HTR7: variants seen among roughly 807,000 people sequenced by gnomAD.
The protein encoded by HTR7 is 5-hydroxytryptamine receptor 7, also known as 5-HT-7.
In HTR7, 16 loss-of-function variants were observed where a neutral mutation model predicts 34.0. That is an observed-to-expected ratio of 0.47 (90% CI 0.32 to 0.71). HTR7 has a LOEUF of 0.71. Ranked by LOEUF, HTR7 falls within the 30% of genes least tolerant of loss-of-function variation. The pLI is 0.04. For missense variants in HTR7, 504 were observed against 625.5 expected, an observed-to-expected ratio of 0.81 and a Z score of 2.07; for synonymous variants, 265 against 260.2, an observed-to-expected ratio of 1.02 and a Z score of -0.18.
chr10:90,789,184 A>G (rs1030600125), intron 1 of HTR7, among the ~76,000 whole-genome samples: 4 of 152,166 alleles, frequency 2.6e-5, no homozygotes, highest in Admixed American at 2.6e-4. Context: ...TGAAACAAAT[A>G]CCATTTCCTT....
chr10:90,808,884 C>T (rs1845750251), intron 1 of HTR7, among the ~76,000 whole-genome samples: 1 of 152,208 alleles, frequency 6.6e-6, no homozygotes, highest in South Asian at 2.1e-4. Flanking sequence ...TCAATTTTTC[C>T]ATCCTACAAG....
At chr10:90,823,324 A>G (rs1308928977) in intron 1 of HTR7, among the ~76,000 whole-genome samples, 1 of 152,250 alleles carries the variant, frequency 6.6e-6, no homozygotes, top group Non-Finnish European at 1.5e-5. Context: ...AGTATGGCCT[A>G]CAAATGAGAC....
rs1845633684 is a variant in HTR7, at chr10:90,801,922, G to A, written c.540-52328C>T. ...TGGTGTATTTTTGGTACTTTATGGT[G>A]TGAATGTTCATATTGTTTGACCCCT... On this transcript the variant is annotated intron_variant, in intron 1 of 3. Transcript: ENST00000336152. Among the ~76,000 whole-genome samples the A allele has an allele frequency of 3.3e-5, 5 of 152,186 alleles. No homozygotes were observed. In the South Asian group the frequency reaches 1.0e-3, roughly 32 times the overall value.
intron 1 of HTR7, among the ~76,000 whole-genome samples, chr10:90,751,659 G>A (rs1844740109): frequency 1.3e-5 from 2 of 152,090 alleles, no homozygotes; most frequent in Non-Finnish European, 2.9e-5. Context: ...TAGGGTAGGT[G>A]GTTGAAGTAA....
chr10:90,807,545 G>A (rs116439687), intron 1 of HTR7, among the ~76,000 whole-genome samples: 2,448 of 152,098 alleles, frequency 0.016, 77 homozygotes, highest in African/African-American at 0.054. Context: ...CAACCCCTAC[G>A]CCTGCTCGCC....
intron 1 of HTR7, among the ~76,000 whole-genome samples, chr10:90,754,185 C>A (rs1261798895): frequency 1.3e-5 from 2 of 151,942 alleles, no homozygotes; most frequent in Non-Finnish European, 2.9e-5. Context: ...ATAATTAAAT[C>A]TTACATTGTT....
intron 1 of HTR7, among the ~76,000 whole-genome samples, chr10:90,815,359 T>C (rs112674986): frequency 3.3e-5 from 5 of 152,180 alleles, no homozygotes; most frequent in African/African-American, 1.2e-4. Context: ...CCCAAAGTGC[T>C]TGGATTACAG....
At chr10:90,743,947 T>C (rs994474415) in intron 2 of HTR7, 3 of 635,394 alleles carry the variant, frequency 4.7e-6, no homozygotes, top group African/African-American at 1.8e-5. Flanking sequence ...GTTCTGGTTA[T>C]GCTGATCAAG....
chr10:90,838,505 T>C (rs1404562589), intron 1 of HTR7, among the ~76,000 whole-genome samples: 1 of 152,168 alleles, frequency 6.6e-6, no homozygotes, highest in Non-Finnish European at 1.5e-5. Flanking sequence ...TCCATTTCAT[T>C]CTCCACAAAG....
At chr10:90,825,005 A>G (rs1181791380) in intron 1 of HTR7, among the ~76,000 whole-genome samples, 4 of 152,206 alleles carry the variant, frequency 2.6e-5, no homozygotes, top group Admixed American at 6.5e-5. Context: ...GTAGCCAGGT[A>G]GTGGTTACAG....
intron 1 of HTR7, among the ~76,000 whole-genome samples, chr10:90,801,771 A>T (rs914670243): frequency 2.0e-5 from 3 of 152,220 alleles, no homozygotes; most frequent in African/African-American, 7.2e-5. Flanking sequence ...AATTCTTATC[A>T]GTGAGCCTCC....
At chr10:90,807,084 T>A (rs1168342378) in intron 1 of HTR7, among the ~76,000 whole-genome samples, 3 of 152,214 alleles carry the variant, frequency 2.0e-5, no homozygotes, top group African/African-American at 7.2e-5. Context: ...ATTGTAACAG[T>A]GACTGATTTT....
chr10:90,835,555 T>C (rs946670435), intron 1 of HTR7, among the ~76,000 whole-genome samples: 1 of 152,196 alleles, frequency 6.6e-6, no homozygotes. Context: ...CAGTCAACTA[T>C]TGCTTGTTTT....
At chr10:90,831,917 G>C (rs561931069) in intron 1 of HTR7, among the ~76,000 whole-genome samples, 1 of 151,984 alleles carries the variant, frequency 6.6e-6, no homozygotes, top group South Asian at 2.1e-4. Context: ...AATGTTCTGC[G>C]AGTCCCCACC....
At chr10:90,748,473 G>C (rs955321632) in intron 2 of HTR7, among the ~76,000 whole-genome samples, 1 of 152,198 alleles carries the variant, frequency 6.6e-6, no homozygotes, top group African/African-American at 2.4e-5. Context: ...TATCAAAAAA[G>C]CTTTACTGGA....
chr10:90,746,316 A>T (rs1397988738), intron 2 of HTR7, among the ~76,000 whole-genome samples: 5 of 152,206 alleles, frequency 3.3e-5, no homozygotes, highest in Non-Finnish European at 5.9e-5. Context: ...CCATTTTATG[A>T]TCTATCTGAA....
Position 90,809,099 on chromosome 10 carries a change from C to A in HTR7, c.539+48034G>T, listed in dbSNP as rs183869515. 2.9e-4 allele frequency among the ~76,000 whole-genome samples: 44 copies of A among 152,220 alleles called. No homozygotes were observed. In the East Asian group the frequency reaches 8.5e-3, roughly 29 times the overall value. Reference sequence around the variant, plus strand: ...CTTCCTTTTCTACAGATCTATCTGACCTCTCCCCTCCTCGCCAGGCCGAGC... The same window carrying A: ...CTTCCTTTTCTACAGATCTATCTGAACTCTCCCCTCCTCGCCAGGCCGAGC... On this transcript the variant is annotated intron_variant, in intron 1 of 3. Transcript: ENST00000336152.
chr10:90,755,153 C>T (rs1378311810), intron 1 of HTR7, among the ~76,000 whole-genome samples: 1 of 152,202 alleles, frequency 6.6e-6, no homozygotes, highest in Non-Finnish European at 1.5e-5. Flanking sequence ...ATACTTACCA[C>T]ATGAAGGGCT....
Position 90,774,452 on chromosome 10 carries a change from C to G in HTR7, c.540-24858G>C, listed in dbSNP as rs147629614. On this transcript the variant is annotated intron_variant, in intron 1 of 3. Coordinates refer to ENST00000336152, the MANE Select transcript of HTR7 (RefSeq NM_019859.4). ...GGGGAGAAATTCTACAATAGTACCT[C>G]TTATTATGACTTCTGCAGTTTTATC... is the stretch of plus-strand genomic sequence containing the variant. Among the ~76,000 whole-genome samples, 333 of 152,292 alleles carry G rather than the reference C, an allele frequency of 2.2e-3. 2 individuals carry two copies. The highest frequency in any genetic ancestry group is 7.4e-3 in the African/African-American group (308 of 41,556).
Sources: allele counts gnomAD v4.1 joint callset (sites outside exome capture counted in the v4.1 genomes callset), GRCh38; gene constraint gnomAD v4.1.1; transcripts MANE v1.5; gene names NCBI Gene and HGNC (gene_info 2026-07-23, HGNC 2026-07-21).